The following PAWR variants were observed in gnomAD, a reference collection of about 807,000 sequenced individuals.
PAWR encodes the protein pro-apoptotic WT1 regulator, also known as PRKC apoptosis WT1 regulator protein.
In PAWR, 23 loss-of-function variants were observed where a neutral mutation model predicts 32.0. The observed-to-expected ratio is 0.72, with a 90% confidence interval of 0.52 to 1.02. The LOEUF (loss-of-function observed/expected upper bound fraction) is 1.02. PAWR is among the 50% of genes least tolerant of loss of function. The pLI is 0.00. For synonymous variants in PAWR, 226 were observed against 187.1 expected (o/e 1.21, Z -1.70); for missense variants, 457 against 437.7 (o/e 1.04, Z -0.39).
intron 2 of PAWR, among the ~76,000 whole-genome samples, chr12:79,679,967 T>C (rs1472129427): frequency 6.6e-6 from 1 of 152,222 alleles, no homozygotes; most frequent in Admixed American, 6.5e-5. Context: ...TCTATGTCAT[T>C]ACTTGGATTG....
rs8176899 is a variant in PAWR, at chr12:79,604,834, TAGAAAAC to T, written c.684-8183_684-8177del. On this transcript the variant is annotated intron_variant, in intron 4 of 6. Coordinates refer to ENST00000328827, the MANE Select transcript of PAWR (RefSeq NM_002583.4). ...TATTAAAATTGATACATATTTATTA[TAGAAAAC>T]AGAAAATACAAATGAGTGTCATCAG... 2,197 of 375,360 alleles carry T rather than the reference TAGAAAAC, an allele frequency of 5.9e-3. 47 individuals carry two copies. The highest frequency in any genetic ancestry group is 0.042 in the African/African-American group (1,941 of 45,812). 23.3% of individuals were successfully genotyped at this position (375,360 alleles called of 1,614,324 possible).
intron 2 of PAWR, among the ~76,000 whole-genome samples, chr12:79,645,036 C>CACACACA (rs112574824): frequency 1.2e-4 from 14 of 119,910 alleles, no homozygotes; most frequent in African/African-American, 4.0e-4. Flanking sequence ...TCCACCCCCA[C>CACACACA]CACACACACA....
At chr12:79,605,529 T>A (rs8176893) in intron 4 of PAWR, among the ~76,000 whole-genome samples, 60,099 of 149,840 alleles carry the variant, frequency 0.4, 14,788 homozygotes, top group Non-Finnish European at 0.53. Context: ...CTTTTTTTTT[T>A]AAAAAAAAAG....
At chr12:79,636,983 G>A (rs1011385383) in intron 2 of PAWR, among the ~76,000 whole-genome samples, 38 of 152,096 alleles carry the variant, frequency 2.5e-4, no homozygotes, top group African/African-American at 9.2e-4. Flanking sequence ...TTTAAATTAC[G>A]AATCAGAATG....
At chr12:79,648,478 T>C (rs1188009717) in intron 2 of PAWR, among the ~76,000 whole-genome samples, 7 of 152,082 alleles carry the variant, frequency 4.6e-5, no homozygotes, top group African/African-American at 1.7e-4. Flanking sequence ...CATTTGGATA[T>C]ATGCTTTAAA....
intron 2 of PAWR, among the ~76,000 whole-genome samples, chr12:79,674,653 T>C (rs776321632): frequency 6.6e-6 from 1 of 152,016 alleles, no homozygotes; most frequent in Non-Finnish European, 1.5e-5. Context: ...TTGCAAATTA[T>C]GCATCTGACA....
In PAWR at chr12:79,586,716, T is replaced by C. The variant is rs905296137; in HGVS notation, c.*5891A>G. 1.3e-5 allele frequency: 2 copies of C among 152,192 alleles called. No homozygotes were observed. The allele number at this position is 152,192 out of a possible 1,614,324, so 9.4% of individuals were successfully genotyped here. A position where few individuals can be genotyped will look rare whatever the true frequency, so the allele number is the denominator to read the frequency against. On this transcript the variant is annotated 3_prime_UTR_variant, in exon 7 of 7. Coordinates refer to ENST00000328827, the MANE Select transcript of PAWR (RefSeq NM_002583.4). The stretch of plus-strand genomic sequence containing the variant: ...ATACTGTTTTCATGTTGTTCAACTA[T>C]TTGACACAAAAGGAGCTTTTTCCTT...
intron 2 of PAWR, among the ~76,000 whole-genome samples, chr12:79,638,881 TATATATATATA>T: frequency 9.9e-5 from 1 of 10,064 alleles, no homozygotes; most frequent in South Asian, 2.0e-3. Context: ...TATATATATA[TATATATATATA>T]TATATTTTTT....
chr12:79,592,434 T>A lies in PAWR; in HGVS notation c.*173A>T. On this transcript the variant is annotated 3_prime_UTR_variant, in exon 7 of 7. Coordinates refer to ENST00000328827, the MANE Select transcript of PAWR (RefSeq NM_002583.4). Reference sequence around the variant, plus strand: ...GTGAGATAAAAGGATAATGCTTTTTTAAAACCAATAATGAAAAAGAAGTAT... The same window carrying A: ...GTGAGATAAAAGGATAATGCTTTTTAAAAACCAATAATGAAAAAGAAGTAT... The A allele has an allele frequency of 2.0e-6, 1 of 501,326 alleles. No homozygotes were observed. Among genetic ancestry groups the A allele is most frequent in the South Asian group, 3.0e-5 (1 of 32,864 alleles). 31.1% of individuals were successfully genotyped at this position (501,326 alleles called of 1,614,324 possible). A position where few individuals can be genotyped will look rare whatever the true frequency, so the allele number is the denominator to read the frequency against.
rs1388451997 is a variant in PAWR at position 79,588,618 on chromosome 12, T to G, written c.*3989A>C. On this transcript the variant is annotated 3_prime_UTR_variant, in exon 7 of 7. Transcript: ENST00000328827. ...AAGACTGCATTTTGTGCTACTGACA[T>G]GCACTATATAGATCGTACACTACTA... 6.6e-6 allele frequency: 1 copy of G among 152,006 alleles called. No homozygotes were observed. The highest frequency in any genetic ancestry group is 2.4e-5 in the African/African-American group (1 of 41,448). 9.4% of individuals were successfully genotyped at this position (152,006 alleles called of 1,614,324 possible).
intron 4 of PAWR, among the ~76,000 whole-genome samples, chr12:79,611,960 T>C (rs1874459162): frequency 6.6e-6 from 1 of 152,150 alleles, no homozygotes; most frequent in Non-Finnish European, 1.5e-5. Flanking sequence ...TCATTCGTAC[T>C]TTAAGACTAT....
At chr12:79,621,318 G>T in intron 2 of PAWR, 111 bp from the exon 3 acceptor site, 1 of 785,964 alleles carries the variant, frequency 1.3e-6, no homozygotes, top group Non-Finnish European at 2.0e-6. Flanking sequence ...TCAGAAATTA[G>T]TTTGCATAAT....
rs151150328 is a variant in PAWR, at chr12:79,615,657, G to C, written c.649-2048C>G. ...ACTTTTGTACCAAACACGTAAAACA[G>C]ATCCCCTATTTATTTAGATGGTTAT... On this transcript the variant is annotated intron_variant, in intron 3 of 6. Transcript: ENST00000328827. Among the ~76,000 whole-genome samples the C allele has an allele frequency of 4.9e-3, 739 of 152,296 alleles. 7 individuals are homozygous for C. Among genetic ancestry groups the C allele is most frequent in the African/African-American group, 0.017 (702 of 41,554 alleles).
intron 2 of PAWR, among the ~76,000 whole-genome samples, chr12:79,668,806 G>T (rs1330421570): frequency 1.3e-5 from 2 of 152,158 alleles, no homozygotes; most frequent in Non-Finnish European, 2.9e-5. Flanking sequence ...AACAAGTCAT[G>T]GACCAGTACG....
chr12:79,618,850 G>A (rs1323198615), intron 3 of PAWR, among the ~76,000 whole-genome samples: 1 of 151,518 alleles, frequency 6.6e-6, no homozygotes, highest in Non-Finnish European at 1.5e-5. Flanking sequence ...TCCAGGCAAA[G>A]AAACAACTAT....
chr12:79,640,977 G>A (rs1396622643), intron 2 of PAWR, among the ~76,000 whole-genome samples: 3 of 151,992 alleles, frequency 2.0e-5, no homozygotes, highest in Non-Finnish European at 2.9e-5. Context: ...TTACATTGGC[G>A]GTGGTTACAT....
intron 2 of PAWR, among the ~76,000 whole-genome samples, chr12:79,644,915 A>T (rs1876497531): frequency 6.6e-6 from 1 of 152,122 alleles, no homozygotes; most frequent in Non-Finnish European, 1.5e-5. Flanking sequence ...AATACTGATG[A>T]ACCCTAACTC....
rs114501121 is a variant in PAWR at position 79,653,903 on chromosome 12, C to A, written c.517-32696G>T. 2.1e-3 allele frequency among the ~76,000 whole-genome samples: 325 copies of A among 152,292 alleles called. 2 individuals carry two copies. Among genetic ancestry groups the A allele is most frequent in the African/African-American group, 7.6e-3 (314 of 41,564 alleles). On this transcript the variant is annotated intron_variant, in intron 2 of 6. Transcript: ENST00000328827. ...GACAACAGGAATTCATTTAATCCTG[C>A]AACTTTTAGTTGAGGCCTAAGAACT...
chr12:79,602,309 C>T (rs990590515), intron 4 of PAWR, among the ~76,000 whole-genome samples: 39 of 152,278 alleles, frequency 2.6e-4, no homozygotes, highest in Non-Finnish European at 3.7e-4. Context: ...AGCAGATTAT[C>T]TTATATATCA....
Sources: allele counts gnomAD v4.1 joint callset (sites outside exome capture counted in the v4.1 genomes callset), GRCh38; gene constraint gnomAD v4.1.1; transcripts MANE v1.5; gene names NCBI Gene and HGNC (gene_info 2026-07-23, HGNC 2026-07-21).